Variants in NYAP2 observed in about 807,000 individuals in gnomAD.
The protein encoded by NYAP2 is neuronal tyrosine-phosphorylated phosphoinositide-3-kinase adaptor 2.
Under a neutral mutation model 50.4 loss-of-function variants are expected in NYAP2, and 23 were observed. That is an observed-to-expected ratio of 0.46 (90% confidence interval 0.33 to 0.65). The LOEUF (loss-of-function observed/expected upper bound fraction) is 0.65, where lower values mean the gene tolerates loss of function less well. Among genes scored for constraint, NYAP2 ranks in the 30% least tolerant of loss-of-function variants. The pLI is 0.02. For synonymous variants in NYAP2, 394 were observed against 365.2 expected (o/e 1.08, Z -0.90); for missense variants, 885 against 861.0 (o/e 1.03, Z -0.35).
At chr2:225,595,597 T>C (rs1692582871) in intron 5 of NYAP2, among the ~76,000 whole-genome samples, 1 of 152,236 alleles carries the variant, frequency 6.6e-6, no homozygotes, top group South Asian at 2.1e-4. Context: ...AGAGAAGTTT[T>C]AAACCTAAGA....
intron 5 of NYAP2, among the ~76,000 whole-genome samples, chr2:225,610,977 T>C (rs189956881): frequency 6.6e-6 from 1 of 152,318 alleles, no homozygotes; most frequent in Admixed American, 6.5e-5. Context: ...TTGTAGAATA[T>C]TTATGCCACG....
intron 4 of NYAP2, among the ~76,000 whole-genome samples, chr2:225,545,657 C>A (rs1360260121): frequency 6.6e-6 from 1 of 152,036 alleles, no homozygotes; most frequent in Admixed American, 6.6e-5. Flanking sequence ...TCTGAAAAGT[C>A]AAATATCTGT....
intron 3 of NYAP2, among the ~76,000 whole-genome samples, chr2:225,428,897 A>G (rs1014469677): frequency 6.6e-6 from 1 of 152,240 alleles, no homozygotes; most frequent in African/African-American, 2.4e-5. Flanking sequence ...GTAAGTAACC[A>G]TAAAGAGACC....
intron 3 of NYAP2, among the ~76,000 whole-genome samples, chr2:225,459,065 A>C (rs534204158): frequency 1.3e-5 from 2 of 152,336 alleles, no homozygotes; most frequent in East Asian, 3.9e-4. Flanking sequence ...TATGTAGGGC[A>C]AAGAGTGAGA....
At chr2:225,425,803 A>C (rs957000860) in intron 3 of NYAP2, among the ~76,000 whole-genome samples, 1 of 152,226 alleles carries the variant, frequency 6.6e-6, no homozygotes, top group African/African-American at 2.4e-5. Context: ...ACATTAATGA[A>C]GAGTTTTTCA....
rs111252558 is a variant in NYAP2, at chr2:225,571,091, T to C, written c.524-10850T>C. Among the ~76,000 whole-genome samples, 1,508 of 152,374 alleles carry C rather than the reference T, an allele frequency of 9.9e-3. 16 individuals carry two copies. Among genetic ancestry groups the C allele is most frequent in the Non-Finnish European group, 0.015 (989 of 68,036 alleles). On this transcript the variant is annotated intron_variant, in intron 4 of 6. Coordinates refer to ENST00000636099, the Ensembl canonical transcript of NYAP2. ...GACCCCTTGTCTCACATCCAGGTCA[T>C]GCTGATGCAAGAATTGGGCTCCCAT... is the stretch of plus-strand genomic sequence containing the variant.
chr2:225,520,593 T>C (rs1182004430), intron 4 of NYAP2, among the ~76,000 whole-genome samples: 3 of 152,128 alleles, frequency 2.0e-5, no homozygotes, highest in East Asian at 1.9e-4. Context: ...AGATGTGTGG[T>C]GTTATTTCTG....
At position 225,582,913 on chromosome 2, in the gene NYAP2, C is replaced by T. The variant is rs761588621; in HGVS notation, c.1496C>T (p.Pro499Leu). 61 of 1,613,030 alleles carry T rather than the reference C, an allele frequency of 3.8e-5. No individual in the cohort carries two copies. Among genetic ancestry groups the T allele is most frequent in the Non-Finnish European group, 4.9e-5 (58 of 1,179,870 alleles). ...GCGGTGAACACCTACGGGGCAGCCC[C>T]GGGTGGCTCCCGGTCCCGGACACCC... Residue 499 changes from proline (P) to leucine (L), a missense_variant, in exon 5 of 7, where the codon CCG becomes CTG. By Grantham distance (98) the Pro-to-Leu change is moderately conservative. Transcript: ENST00000636099. This position sits in a 1 kb window ranked among gnomAD's most constrained non-coding sequence, Gnocchi z 7.0.
At chr2:225,458,071 G>A (rs904963763) in intron 3 of NYAP2, among the ~76,000 whole-genome samples, 1 of 151,770 alleles carries the variant, frequency 6.6e-6, no homozygotes, top group Non-Finnish European at 1.5e-5. Context: ...AAAAAAAAAC[G>A]ATACGCACAG....
At chr2:225,406,670 G>T (rs1694944843) in intron 2 of NYAP2, among the ~76,000 whole-genome samples, 1 of 151,890 alleles carries the variant, frequency 6.6e-6, no homozygotes, top group Non-Finnish European at 1.5e-5. Flanking sequence ...TTTACTAGAT[G>T]TGATGGTTCA....
At chr2:225,617,377 C>A (rs1162321169) in intron 5 of NYAP2, among the ~76,000 whole-genome samples, 1 of 151,522 alleles carries the variant, frequency 6.6e-6, no homozygotes, top group East Asian at 1.9e-4. Context: ...TGCGGTGAGC[C>A]GAGATTGCAC....
In NYAP2 at chr2:225,486,945, G is replaced by A. The variant is rs534053835; in HGVS notation, c.222-26426G>A. On this transcript the variant is annotated intron_variant, in intron 3 of 6. Transcript: ENST00000636099. ...TAAGGGAACTTTAGCCAGTAGTGCA[G>A]GAGAACACCACTGGGATTGGAAAAC... Among the ~76,000 whole-genome samples, 4 of 152,304 alleles carry A rather than the reference G, an allele frequency of 2.6e-5. No individual in the cohort carries two copies. The East Asian group carries it at 7.7e-4, about 29-fold the overall frequency.
At chr2:225,470,533 G>C (rs962190305) in intron 3 of NYAP2, among the ~76,000 whole-genome samples, 1 of 152,022 alleles carries the variant, frequency 6.6e-6, no homozygotes, top group African/African-American at 2.4e-5. Flanking sequence ...TTGAGGAAAA[G>C]GATACTCAAC....
chr2:225,486,208 C>T (rs1690296157), intron 3 of NYAP2, among the ~76,000 whole-genome samples: 1 of 152,132 alleles, frequency 6.6e-6, no homozygotes, highest in Admixed American at 6.5e-5. Context: ...AAAGAGGAGA[C>T]CCAGATTTTT....
intron 3 of NYAP2, among the ~76,000 whole-genome samples, chr2:225,440,540 G>A (rs1003868905): frequency 3.3e-5 from 5 of 152,244 alleles, no homozygotes; most frequent in South Asian, 4.1e-4. Flanking sequence ...CTGAATGTAC[G>A]GAGGATTTCG....
chr2:225,551,287 G>T (rs906673864), intron 4 of NYAP2, among the ~76,000 whole-genome samples: 72 of 152,178 alleles, frequency 4.7e-4, no homozygotes, highest in Admixed American at 2.0e-4. Flanking sequence ...AGCAAACAGA[G>T]GCATGATAAA....
the NYAP2 span, among the ~76,000 whole-genome samples, chr2:225,688,072 T>C: frequency 2.6e-5 from 4 of 152,174 alleles, no homozygotes; most frequent in East Asian, 3.9e-4. Flanking sequence ...ACTTCCTTGG[T>C]TGAATGCATA....
At chr2:225,443,064 G>A (rs1039665600) in intron 3 of NYAP2, among the ~76,000 whole-genome samples, 3 of 152,084 alleles carry the variant, frequency 2.0e-5, no homozygotes, top group Non-Finnish European at 2.9e-5. Context: ...AACAGCACAG[G>A]AAAAGCCTGC....
At chr2:225,658,003 A>C (rs1480611725), downstream of NYAP2, among the ~76,000 whole-genome samples, 2 of 152,168 alleles carry the variant, frequency 1.3e-5, no homozygotes, top group Non-Finnish European at 2.9e-5. Context: ...AGATTCTGTG[A>C]TATTCCAGAT....
Sources: allele counts gnomAD v4.1 joint callset (sites outside exome capture counted in the v4.1 genomes callset), GRCh38; gene constraint gnomAD v4.1.1; non-coding constraint Gnocchi (gnomAD v3.1); transcripts MANE v1.5; gene names NCBI Gene and HGNC (gene_info 2026-07-23, HGNC 2026-07-21).